Variants in MEIS1 observed in about 807,000 individuals in gnomAD.
The protein encoded by MEIS1 is homeobox protein Meis1.
MEIS1 carries 5 observed loss-of-function variants against 50.8 expected under a neutral mutation model. The ratio of observed to expected loss-of-function variants is 0.10; its 90% CI spans 0.05 to 0.21. MEIS1 has a LOEUF of 0.21. Ranked by LOEUF, MEIS1 falls within the 10% of genes least tolerant of loss-of-function variation. The probability of loss-of-function intolerance (pLI) is 1.00; values close to 1 mark genes in which losing one functional copy is unlikely to be tolerated. For synonymous variants in MEIS1, 176 were observed against 179.3 expected, an observed-to-expected ratio of 0.98 and a Z score of 0.15; for missense variants, 318 against 517.3, an observed-to-expected ratio of 0.61 and a Z score of 3.74.
chr2:66,482,958 G>A (rs13396583), intron 7 of MEIS1, among the ~76,000 whole-genome samples: 14,772 of 152,180 alleles, frequency 0.097, 1,413 homozygotes, highest in African/African-American at 0.25. Flanking sequence ...TACGTGAGAT[G>A]GTTTGACTTT....
chr2:66,508,494 A>G (rs779733207), intron 7 of MEIS1, among the ~76,000 whole-genome samples: 14 of 152,200 alleles, frequency 9.2e-5, no homozygotes, highest in Non-Finnish European at 1.8e-4. Context: ...CGGTCTCATC[A>G]GAGCCCAGGA....
chr2:66,439,410 G>C, intron 2 of MEIS1: 5 of 1,248,132 alleles, frequency 4.0e-6, no homozygotes, highest in Non-Finnish European at 5.0e-6. Context: ...GGCTTCGCGC[G>C]GCCGCCTAGG....
chr2:66,443,107 T>C (rs901943701), intron 6 of MEIS1, 59 bp downstream of exon 6: 1 of 1,522,736 alleles, frequency 6.6e-7, no homozygotes, highest in African/African-American at 1.4e-5. Context: ...TGCATATTGC[T>C]TGCTGGGTCA....
chr2:66,475,082 T>G (rs1220335415), intron 7 of MEIS1, among the ~76,000 whole-genome samples: 1 of 150,404 alleles, frequency 6.6e-6, no homozygotes, highest in Non-Finnish European at 1.5e-5. Flanking sequence ...CCTTTTATAC[T>G]TTAATACCTT....
At chr2:66,479,731 TGCACTG>T (rs1412839601) in intron 7 of MEIS1, among the ~76,000 whole-genome samples, 1 of 152,166 alleles carries the variant, frequency 6.6e-6, no homozygotes, top group Non-Finnish European at 1.5e-5. Flanking sequence ...ATTCCAGAAA[TGCACTG>T]GGGGATAAGG....
Position 66,464,099 on chromosome 2 carries a change from G to A in MEIS1, c.631-10G>A, listed in dbSNP as rs1278363201. On this transcript the variant is annotated splice_polypyrimidine_tract_variant and intron_variant, in intron 6 of 12. Coordinates refer to ENST00000272369, the MANE Select transcript of MEIS1 (RefSeq NM_002398.3). Reference sequence around the variant, plus strand: ...CCTCTTATTTGGGTTTCTGATTTGTGCCCCCACAGCCCTCTTGGAACAGAG... The same window carrying A: ...CCTCTTATTTGGGTTTCTGATTTGTACCCCCACAGCCCTCTTGGAACAGAG... The A allele has an allele frequency of 6.3e-7, 1 of 1,577,960 alleles. No homozygotes were observed. The highest frequency in any genetic ancestry group is 8.6e-7 in the Non-Finnish European group (1 of 1,160,214).
In MEIS1 at chr2:66,526,020, T is replaced by C. The variant is rs572143498; in HGVS notation, c.888+13726T>C. On this transcript the variant is annotated intron_variant, in intron 8 of 12. Coordinates refer to ENST00000272369, the MANE Select transcript of MEIS1 (RefSeq NM_002398.3). ...TCACACTTCTTGCCTACTTTATGTC[T>C]GCTCCAGGAGATCCTTTTGTATTCC... 8.7e-4 allele frequency among the ~76,000 whole-genome samples: 133 copies of C among 152,380 alleles called. 1 individual carries two copies. Among genetic ancestry groups the C allele is most frequent in the African/African-American group, 3.1e-3 (130 of 41,598 alleles).
intron 6 of MEIS1, among the ~76,000 whole-genome samples, chr2:66,454,197 A>G (rs1672337519): frequency 1.3e-5 from 2 of 152,032 alleles, no homozygotes; most frequent in African/African-American, 4.8e-5. Flanking sequence ...ATTACATTAT[A>G]TTTTATCTTC....
chr2:66,492,918 T>G (rs1176316022), intron 7 of MEIS1, among the ~76,000 whole-genome samples: 1 of 152,294 alleles, frequency 6.6e-6, no homozygotes, highest in East Asian at 1.9e-4. Context: ...TACTGCACCC[T>G]TACTCTTAGA....
chr2:66,484,909 A>G (rs1312784567), intron 7 of MEIS1, among the ~76,000 whole-genome samples: 2 of 152,094 alleles, frequency 1.3e-5, no homozygotes, highest in Admixed American at 1.3e-4. Context: ...CTGTTGGGGC[A>G]CCATACAGTG....
In MEIS1 at chr2:66,471,816, A is replaced by G. The variant is rs74262597; in HGVS notation, c.742+7596A>G. Among the ~76,000 whole-genome samples the G allele has an allele frequency of 3.5e-3, 530 of 152,310 alleles. 20 individuals carry two copies. In the East Asian group the frequency reaches 0.087, roughly 25 times the overall value. ...ATAGTGGAATATATTTTCTGTTTTC[A>G]TGGACCTGGAAGTTAATTGTTCATA... On this transcript the variant is annotated intron_variant, in intron 7 of 12. Transcript: ENST00000272369.
At chr2:66,475,460 C>T (rs959499198) in intron 7 of MEIS1, among the ~76,000 whole-genome samples, 5 of 150,174 alleles carry the variant, frequency 3.3e-5, no homozygotes, top group African/African-American at 4.9e-5. Context: ...TGTAGATGAA[C>T]GAATTAGAAT....
intron 12 of MEIS1, chr2:66,570,318 A>G (rs1363543434): frequency 6.6e-6 from 1 of 152,054 alleles, no homozygotes. Flanking sequence ...TAAATGATGT[A>G]TTTTATGCTT....
intron 7 of MEIS1, among the ~76,000 whole-genome samples, chr2:66,500,466 C>T (rs1485150871): frequency 6.6e-6 from 1 of 151,672 alleles, no homozygotes; most frequent in East Asian, 1.9e-4. Flanking sequence ...GCTCTGTTAC[C>T]CAGGCTGGAG....
intron 7 of MEIS1, among the ~76,000 whole-genome samples, chr2:66,497,479 A>G (rs1259762496): frequency 6.6e-6 from 1 of 152,214 alleles, no homozygotes; most frequent in African/African-American, 2.4e-5. Flanking sequence ...TGTCTAGAGA[A>G]GAGATGGAAA....
At chr2:66,505,286 G>A (rs1222208351) in intron 7 of MEIS1, among the ~76,000 whole-genome samples, 4 of 152,106 alleles carry the variant, frequency 2.6e-5, no homozygotes, top group Non-Finnish European at 1.5e-5. Flanking sequence ...TGCACCTGTA[G>A]TCCTAGCTAC....
intron 7 of MEIS1, among the ~76,000 whole-genome samples, chr2:66,480,342 C>G (rs998422963): frequency 1.3e-5 from 2 of 152,106 alleles, no homozygotes; most frequent in African/African-American, 4.8e-5. Flanking sequence ...CAGCTGTGGC[C>G]ATAATGAAAC....
chr2:66,571,150 G>T (rs2861108), intron 12 of MEIS1, 96 bp from the exon 13 acceptor site: 1,159,900 of 1,226,428 alleles, frequency 0.95, 550,897 homozygotes, highest in Non-Finnish European at 0.97. Flanking sequence ...TTAATCACAG[G>T]GTTCTCTGGC....
rs1318358023 is a variant in MEIS1 at position 66,572,011 on chromosome 2, TTCTC to T, written c.*809_*812del. On this transcript the variant is annotated 3_prime_UTR_variant, in exon 13 of 13. Coordinates refer to ENST00000272369, the MANE Select transcript of MEIS1 (RefSeq NM_002398.3). ...TCAGCCATGCGCGCGCTCTCTCTCT[TTCTC>T]TCTCTTTTCCTCTCTCTCCCTCTTT... 1.2e-5 allele frequency: 2 copies of T among 161,054 alleles called. No individual in the cohort carries two copies. The highest frequency in any genetic ancestry group is 2.4e-5 in the African/African-American group (1 of 41,622). The allele number at this position is 161,054 out of a possible 1,614,324, so 10.0% of individuals were successfully genotyped here.
Sources: allele counts gnomAD v4.1 joint callset (sites outside exome capture counted in the v4.1 genomes callset), GRCh38; gene constraint gnomAD v4.1.1; transcripts MANE v1.5; gene names NCBI Gene and HGNC (gene_info 2026-07-23, HGNC 2026-07-21).